Variants in UBXN11 observed in about 807,000 individuals in gnomAD.
UBXN11 encodes the protein UBX domain protein 11.
A neutral mutation model predicts 62.8 loss-of-function variants in UBXN11; 47 were observed. The ratio of observed to expected loss-of-function variants is 0.75; its 90% CI spans 0.59 to 0.95. UBXN11 has a LOEUF of 0.95. Ranked by LOEUF, UBXN11 falls within the 40% of genes least tolerant of loss-of-function variation. UBXN11 has a pLI of 0.00. For synonymous variants in UBXN11, 294 were observed against 267.0 expected, an observed-to-expected ratio of 1.10 and a Z score of -0.99; for missense variants, 638 against 661.7, an observed-to-expected ratio of 0.96 and a Z score of 0.39.
upstream of UBXN11, among the ~76,000 whole-genome samples, chr1:26,308,935 ATT>A (rs57323315): frequency 1.9e-3 from 207 of 108,244 alleles, no homozygotes; most frequent in Middle Eastern, 0.024. Flanking sequence ...CAGTCGTTTG[ATT>A]TTTTTTTTTT....
intron 8 of UBXN11, among the ~76,000 whole-genome samples, chr1:26,292,731 G>A (rs1346335533): frequency 1.3e-5 from 2 of 151,916 alleles, no homozygotes; most frequent in South Asian, 2.1e-4. Context: ...GTGGGCGCCT[G>A]TAATCCCAGC....
chr1:26,302,099 G>A (rs973566183), intron 2 of UBXN11, among the ~76,000 whole-genome samples: 7 of 152,096 alleles, frequency 4.6e-5, no homozygotes, highest in East Asian at 1.9e-4. Context: ...GGCCAGGCGC[G>A]GTGGCTGGTA....
At chr1:26,310,045 G>A (rs974090099), upstream of UBXN11, among the ~76,000 whole-genome samples, 8 of 151,954 alleles carry the variant, frequency 5.3e-5, no homozygotes, top group Non-Finnish European at 5.9e-5. Flanking sequence ...CTCCAGTCTC[G>A]GCCTCTCAGC....
chr1:26,301,011 G>A lies in UBXN11; in HGVS notation c.114C>T (p.Asp38=). The A allele has an allele frequency of 6.2e-7, 1 of 1,614,220 alleles. No homozygotes were observed. The highest frequency in any genetic ancestry group is 8.5e-7 in the Non-Finnish European group (1 of 1,180,024). The change falls in exon 4 of 15, where the codon GAC becomes GAT. Residue 38 remains aspartate (D), a synonymous_variant. Coordinates refer to ENST00000374222, the MANE Select transcript of UBXN11 (RefSeq NM_001389556.1). ...CTGAGCCACACCCATCACTCAACATGTCCACCTCATCTTCTGCAGACAGGG... is the reference window on the plus strand; with the variant it reads ...CTGAGCCACACCCATCACTCAACATATCCACCTCATCTTCTGCAGACAGGG... ...IRIYGDEDEV[D]MLSDGCGSEE... is the part of the protein sequence containing the mutation.
upstream of UBXN11, among the ~76,000 whole-genome samples, chr1:26,309,340 G>A (rs10902738): frequency 0.17 from 24,382 of 146,638 alleles, 2,071 homozygotes; most frequent in Middle Eastern, 0.23. Flanking sequence ...TCTCTGGTTC[G>A]AGCAATTCTC....
At chr1:26,315,135 T>A (rs1222918514) in intron 1 of UBXN11, among the ~76,000 whole-genome samples, 1 of 152,174 alleles carries the variant, frequency 6.6e-6, no homozygotes, top group Non-Finnish European at 1.5e-5. Context: ...AGGGCTTTCC[T>A]TGCAGAGGAA....
chr1:26,285,635 C>A, intron 9 of UBXN11, 94 bp from the exon 10 acceptor site: 1 of 1,394,376 alleles, frequency 7.2e-7, no homozygotes, highest in South Asian at 1.4e-5. Context: ...GATCCAGGGT[C>A]ACCCAGTGCC....
chr1:26,306,227 CA>C (rs2073664484), intron 1 of UBXN11: 2 of 152,266 alleles, frequency 1.3e-5, no homozygotes, highest in South Asian at 2.1e-4. Flanking sequence ...GCTCTGAGAG[CA>C]AATCTCTGCA....
At chr1:26,311,580 T>C (rs891777519), upstream of UBXN11, among the ~76,000 whole-genome samples, 4 of 151,416 alleles carry the variant, frequency 2.6e-5, no homozygotes, top group African/African-American at 9.7e-5. Flanking sequence ...GTAGCTAAGA[T>C]TACAGGCACG....
exon 1 of UBXN11, chr1:26,318,184 G>A (rs2073817909): frequency 1.1e-6 from 1 of 879,136 alleles, no homozygotes; most frequent in Non-Finnish European, 1.9e-6. Context: ...TGAGAGCACA[G>A]CAGATGGACT....
At chr1:26,310,550 G>T (rs1402541007), upstream of UBXN11, among the ~76,000 whole-genome samples, 2 of 52,672 alleles carry the variant, frequency 3.8e-5, no homozygotes, top group Non-Finnish European at 9.4e-5. Context: ...AAAAAAAAAA[G>T]AAAGAAAGAA....
upstream of UBXN11, among the ~76,000 whole-genome samples, chr1:26,308,087 A>T (rs190352484): frequency 6.2e-3 from 944 of 151,988 alleles, 14 homozygotes; most frequent in African/African-American, 0.022. Context: ...ACCAACATGG[A>T]GAAACCCCGT....
intron 7 of UBXN11, among the ~76,000 whole-genome samples, chr1:26,294,663 C>G (rs568622603): frequency 3.5e-4 from 53 of 152,312 alleles, no homozygotes; most frequent in African/African-American, 1.3e-3. Context: ...GCAGAAATCA[C>G]GTGGCCTGGC....
chr1:26,295,613 C>CT (rs2073373352), intron 7 of UBXN11, among the ~76,000 whole-genome samples: 1 of 152,182 alleles, frequency 6.6e-6, no homozygotes, highest in South Asian at 2.1e-4. Context: ...CCTTCCCTGT[C>CT]TAAGGCCTGG....
intron 8 of UBXN11, among the ~76,000 whole-genome samples, chr1:26,292,747 A>C (rs2124648936): frequency 6.6e-6 from 1 of 151,924 alleles, no homozygotes. Context: ...CCAGCTACTC[A>C]GGAGGCTGAG....
rs139716011 is a variant in UBXN11 at position 26,298,548 on chromosome 1, T to C, written c.200-486A>G. The stretch of plus-strand genomic sequence containing the variant: ...GGCTCATGCCTGTAATCCCAGCACT[T>C]TGGGAGGCCAAGGCAGGTGGATCAC... On this transcript the variant is annotated intron_variant, in intron 4 of 14. Transcript: ENST00000374222. 1.8e-4 allele frequency among the ~76,000 whole-genome samples: 27 copies of C among 152,066 alleles called. No individual in the cohort carries two copies. The East Asian group carries it at 5.0e-3, about 28-fold the overall frequency.
At chr1:26,300,570 T>A (rs1300161440) in intron 4 of UBXN11, among the ~76,000 whole-genome samples, 1 of 152,176 alleles carries the variant, frequency 6.6e-6, no homozygotes, top group African/African-American at 2.4e-5. Flanking sequence ...CTAAGCAGAC[T>A]GTCTAGGCGA....
At position 26,297,988 on chromosome 1, in the gene UBXN11, C is replaced by A. The variant is rs61750046; in HGVS notation, c.274G>T (p.Ala92Ser). The A allele has an allele frequency of 6.8e-3, 10,931 of 1,613,968 alleles. 46 individuals carry two copies. Among genetic ancestry groups the A allele is most frequent in the Non-Finnish European group, 8.1e-3 (9,525 of 1,179,962 alleles). ...KLWDLEQQVK[A>S]QTDEILSKDQ... ...TTGGACAGTATCTCATCAGTCTGGG[C>A]CTTCACCTGCTGCTCCAGGTCCCAC... Residue 92 changes from alanine (A) to serine (S), a missense_variant, in exon 5 of 15, where the codon GCC (alanine) becomes TCC (serine). Physicochemically the swap from Ala to Ser is moderately conservative, Grantham distance 99. Coordinates refer to ENST00000374222, the MANE Select transcript of UBXN11 (RefSeq NM_001389556.1).
Position 26,294,308 on chromosome 1 carries a change from C to T in UBXN11, c.456G>A (p.Leu152=). 5.0e-6 allele frequency: 8 copies of T among 1,614,004 alleles called. No homozygotes were observed. Among genetic ancestry groups the T allele is most frequent in the Non-Finnish European group, 6.8e-6 (8 of 1,179,934 alleles). ...EMERFLSDYG[L]QWVGEPMDQE... The stretch of plus-strand genomic sequence containing the variant: ...GGTCCATGGGCTCGCCCACCCACTG[C>T]AGGCCATAGTCACTGAGGAACCGCT... Residue 152 remains leucine (L), a synonymous_variant, in exon 8 of 15, where the codon CTG becomes CTA. Transcript: ENST00000374222.
Sources: allele counts gnomAD v4.1 joint callset (sites outside exome capture counted in the v4.1 genomes callset), GRCh38; gene constraint gnomAD v4.1.1; transcripts MANE v1.5; gene names NCBI Gene and HGNC (gene_info 2026-07-23, HGNC 2026-07-21).